BANK1: variants seen among roughly 807,000 people sequenced by gnomAD.
The protein encoded by BANK1 is B-cell scaffold protein with ankyrin repeats.
Under a neutral mutation model 94.5 loss-of-function variants are expected in BANK1, and 95 were observed. The observed-to-expected ratio is 1.00, with a 90% CI of 0.85 to 1.19. The LOEUF (loss-of-function observed/expected upper bound fraction) is 1.19. Ranked by LOEUF, BANK1 falls within the 50% of genes most tolerant of loss-of-function variation. BANK1 has a pLI of 0.00. For synonymous variants in BANK1, 334 were observed against 308.4 expected (o/e 1.08, Z -0.87); for missense variants, 987 against 932.2 (o/e 1.06, Z -0.77).
intron 1 of BANK1, among the ~76,000 whole-genome samples, chr4:101,806,003 G>C (rs2148852265): frequency 6.6e-6 from 1 of 152,052 alleles, no homozygotes; most frequent in East Asian, 1.9e-4. Flanking sequence ...GGCAAGTAGA[G>C]AGAAAAAGTG....
intron 5 of BANK1, among the ~76,000 whole-genome samples, chr4:101,894,452 A>G (rs565162101): frequency 6.3e-4 from 75 of 119,372 alleles, no homozygotes; most frequent in Admixed American, 3.8e-3. Flanking sequence ...TAAGAAATAA[A>G]TGAACAAAAA....
intron 7 of BANK1, among the ~76,000 whole-genome samples, chr4:101,961,146 G>A (rs1724555229): frequency 6.6e-6 from 1 of 152,176 alleles, no homozygotes; most frequent in Admixed American, 6.6e-5. Flanking sequence ...AAAGTATTGA[G>A]TGGAAGATAT....
At chr4:102,035,507 G>T (rs534615923) in intron 10 of BANK1, among the ~76,000 whole-genome samples, 2 of 152,166 alleles carry the variant, frequency 1.3e-5, no homozygotes, top group South Asian at 4.1e-4. Flanking sequence ...AATTAGCCGG[G>T]CATGGTGGCG....
chr4:101,792,174 T>G (rs1468513050), intron 1 of BANK1, among the ~76,000 whole-genome samples: 1 of 152,120 alleles, frequency 6.6e-6, no homozygotes, highest in Non-Finnish European at 1.5e-5. Flanking sequence ...TTGAGGCACT[T>G]GCTATTGTGA....
At chr4:101,795,143 A>G (rs1441198450) in intron 1 of BANK1, among the ~76,000 whole-genome samples, 1 of 151,854 alleles carries the variant, frequency 6.6e-6, no homozygotes, top group African/African-American at 2.4e-5. Context: ...TTGTTACAGG[A>G]TCATGTCTAA....
intron 7 of BANK1, among the ~76,000 whole-genome samples, chr4:102,001,706 G>A (rs1380051501): frequency 1.3e-5 from 2 of 152,172 alleles, no homozygotes; most frequent in African/African-American, 4.8e-5. Flanking sequence ...TGAGGTTGAG[G>A]CAGACAATAC....
chr4:101,932,014 TAA>T (rs2148905734), intron 7 of BANK1, among the ~76,000 whole-genome samples: 1 of 151,686 alleles, frequency 6.6e-6, no homozygotes, highest in Admixed American at 6.6e-5. Flanking sequence ...GTAGTTTGTT[TAA>T]GATCCTGTGG....
chr4:101,801,207 G>C (rs529007304), intron 1 of BANK1, among the ~76,000 whole-genome samples: 3 of 152,212 alleles, frequency 2.0e-5, no homozygotes, highest in Admixed American at 2.0e-4. Flanking sequence ...AGTTTTCAAA[G>C]ACTGAGCACA....
At chr4:101,994,525 C>A (rs1343476763) in intron 7 of BANK1, among the ~76,000 whole-genome samples, 1 of 151,984 alleles carries the variant, frequency 6.6e-6, no homozygotes, top group East Asian at 1.9e-4. Flanking sequence ...AATATAATTG[C>A]ATCATGTCAA....
intron 7 of BANK1, among the ~76,000 whole-genome samples, chr4:101,951,160 TA>T (rs1724136414): frequency 6.6e-6 from 1 of 152,154 alleles, no homozygotes; most frequent in Non-Finnish European, 1.5e-5. Context: ...GTACTGTATT[TA>T]TGTAAGATGC....
intron 7 of BANK1, among the ~76,000 whole-genome samples, chr4:101,931,511 C>A (rs1177491334): frequency 6.6e-6 from 1 of 151,482 alleles, no homozygotes; most frequent in Non-Finnish European, 1.5e-5. Flanking sequence ...AAAACCACAC[C>A]ATTGGCTTTC....
At chr4:101,989,543 T>C (rs1205574468) in intron 7 of BANK1, among the ~76,000 whole-genome samples, 1 of 152,070 alleles carries the variant, frequency 6.6e-6, no homozygotes, top group African/African-American at 2.4e-5. Flanking sequence ...TTCAATTTTG[T>C]CAATTCCTGC....
At position 101,818,955 on chromosome 4, in the gene BANK1, A is replaced by G. The variant is rs1355163766; in HGVS notation, c.71-10853A>G. On this transcript the variant is annotated intron_variant, in intron 1 of 16. Transcript: ENST00000322953. ...TATATTTTGCCTTTCCTACAATAAT[A>G]GTCCTCATTCTCTGGTAGGATTCTG... Among the ~76,000 whole-genome samples the G allele has an allele frequency of 2.6e-5, 4 of 151,300 alleles. No homozygotes were observed. In the East Asian group the frequency reaches 7.8e-4, roughly 29 times the overall value.
At chr4:101,891,071 A>G (rs1721851015) in intron 5 of BANK1, among the ~76,000 whole-genome samples, 1 of 152,096 alleles carries the variant, frequency 6.6e-6, no homozygotes, top group Admixed American at 6.5e-5. Flanking sequence ...AAAGTCTATC[A>G]TACTTACCTA....
At position 102,073,747 on chromosome 4, in the gene BANK1, A is replaced by C. The variant is rs771101261; in HGVS notation, c.*4A>C. 3.1e-6 allele frequency: 5 copies of C among 1,607,792 alleles called. No homozygotes were observed. Among genetic ancestry groups the C allele is most frequent in the Non-Finnish European group, 8.5e-7 (1 of 1,175,526 alleles). On this transcript the variant is annotated splice_region_variant and 3_prime_UTR_variant, in exon 16 of 17. Transcript: ENST00000322953. ...CTGTTGCAAGAAAGATCATTAAAGAAGGTAAAATATTAGCTGTGTATATTT... is the reference window on the plus strand; with the variant it reads ...CTGTTGCAAGAAAGATCATTAAAGACGGTAAAATATTAGCTGTGTATATTT...
intron 7 of BANK1, among the ~76,000 whole-genome samples, chr4:101,939,790 G>A (rs1294507633): frequency 6.6e-6 from 1 of 151,588 alleles, no homozygotes; most frequent in East Asian, 2.0e-4. Flanking sequence ...AAGTTGACAT[G>A]ATTTTAATAA....
intron 7 of BANK1, among the ~76,000 whole-genome samples, chr4:101,920,471 A>G (rs960668174): frequency 4.6e-5 from 7 of 151,938 alleles, no homozygotes; most frequent in African/African-American, 1.7e-4. Context: ...CTACTAAAAT[A>G]CTTTACTGTT....
intron 6 of BANK1, among the ~76,000 whole-genome samples, chr4:101,911,123 C>T (rs576730251): frequency 2.0e-5 from 3 of 152,254 alleles, no homozygotes; most frequent in African/African-American, 7.2e-5. Context: ...ATACTTTGCC[C>T]AGATGGTAAG....
At chr4:101,953,686 G>A (rs1282840828) in intron 7 of BANK1, among the ~76,000 whole-genome samples, 1 of 152,046 alleles carries the variant, frequency 6.6e-6, no homozygotes, top group African/African-American at 2.4e-5. Context: ...TGTAAGTTGT[G>A]ACTTTTCTAT....
Sources: allele counts gnomAD v4.1 joint callset (sites outside exome capture counted in the v4.1 genomes callset), GRCh38; gene constraint gnomAD v4.1.1; transcripts MANE v1.5; gene names NCBI Gene and HGNC (gene_info 2026-07-23, HGNC 2026-07-21).